The following ATL2 variants were observed in gnomAD, a reference collection of about 807,000 sequenced individuals.
ATL2 encodes atlastin-2.
ATL2 carries 31 observed loss-of-function variants against 73.9 expected under a neutral mutation model. The ratio of observed to expected loss-of-function variants is 0.42; its 90% confidence interval spans 0.32 to 0.57. The LOEUF (loss-of-function observed/expected upper bound fraction) is 0.57. Among genes scored for constraint, ATL2 ranks in the 20% least tolerant of loss-of-function variants. The pLI is 0.14. For missense variants in ATL2, 738 were observed against 702.6 expected (o/e 1.05, Z -0.57); for synonymous variants, 291 against 237.5 (o/e 1.23, Z -2.07).
At chr2:38,329,799 A>G (rs569241319) in intron 2 of ATL2, among the ~76,000 whole-genome samples, 1 of 152,304 alleles carries the variant, frequency 6.6e-6, no homozygotes, top group Non-Finnish European at 1.5e-5. Flanking sequence ...AACAACTTAA[A>G]GTCAATAAAT....
chr2:38,307,120 G>A (rs1573440949), intron 9 of ATL2, among the ~76,000 whole-genome samples: 1 of 152,248 alleles, frequency 6.6e-6, no homozygotes. Context: ...CACTTTGGGA[G>A]GCAGATGCAG....
At chr2:38,315,365 T>G in intron 4 of ATL2, 31 bp from the exon 5 acceptor site, 5 of 1,493,092 alleles carry the variant, frequency 3.3e-6, no homozygotes, top group Non-Finnish European at 4.4e-6. Flanking sequence ...TTGTTTTTTA[T>G]TAGTGTTTTG....
At chr2:38,352,969 C>T (rs775938766) in intron 1 of ATL2, among the ~76,000 whole-genome samples, 1 of 152,198 alleles carries the variant, frequency 6.6e-6, no homozygotes, top group Non-Finnish European at 1.5e-5. Context: ...CAGTAATTAA[C>T]CTGCTTGCCA....
chr2:38,322,887 A>G (rs1352349616), intron 2 of ATL2, among the ~76,000 whole-genome samples: 1 of 152,202 alleles, frequency 6.6e-6, no homozygotes. Context: ...CCTCTATTTA[A>G]CAACAACAAC....
chr2:38,323,120 A>G (rs1382056906), intron 2 of ATL2, among the ~76,000 whole-genome samples: 1 of 152,156 alleles, frequency 6.6e-6, no homozygotes, highest in African/African-American at 2.4e-5. Context: ...TGGGAGCTAA[A>G]GGCAGCCTTG....
chr2:38,371,523 A>G (rs1197671947), intron 1 of ATL2, among the ~76,000 whole-genome samples: 1 of 151,808 alleles, frequency 6.6e-6, no homozygotes, highest in Non-Finnish European at 1.5e-5. Context: ...AACAAAACAA[A>G]ATTTTTAAAA....
At chr2:38,300,880 G>GAAAA (rs60232727) in intron 9 of ATL2, among the ~76,000 whole-genome samples, 4 of 103,470 alleles carry the variant, frequency 3.9e-5, no homozygotes, top group African/African-American at 1.3e-4. Context: ...GCTCAAGAAG[G>GAAAA]AAAAAAAAAA....
chr2:38,298,051 A>G (rs989456343), intron 12 of ATL2, 93 bp downstream of exon 12: 4 of 1,219,032 alleles, frequency 3.3e-6, no homozygotes, highest in Non-Finnish European at 3.4e-6. Context: ...CATTCCTCAC[A>G]TGAAGGCAAA....
intron 4 of ATL2, among the ~76,000 whole-genome samples, 163 bp from the exon 5 acceptor site, chr2:38,315,497 T>C (rs1453357523): frequency 1.3e-5 from 2 of 152,174 alleles, no homozygotes; most frequent in Non-Finnish European, 2.9e-5. Flanking sequence ...TTTTCTCTTT[T>C]TTCCTAACAA....
chr2:38,362,572 C>G (rs1408049681), intron 1 of ATL2, among the ~76,000 whole-genome samples: 1 of 152,168 alleles, frequency 6.6e-6, no homozygotes, highest in African/African-American at 2.4e-5. Context: ...AACAAGCACC[C>G]CACTAACCAG....
chr2:38,354,324 C>T (rs901518733), intron 1 of ATL2: 15 of 245,268 alleles, frequency 6.1e-5, no homozygotes, highest in African/African-American at 2.4e-4. Context: ...AAATAGTAAA[C>T]AGATACAAAT....
In ATL2 at chr2:38,294,471, C is replaced by T. The variant is rs1666781480; in HGVS notation, c.*1523G>A. Among the ~76,000 whole-genome samples the T allele has an allele frequency of 6.6e-6, 1 of 152,116 alleles. No individual in the cohort carries two copies. The highest frequency in any genetic ancestry group is 1.5e-5 in the Non-Finnish European group (1 of 68,022). ...GCTGAGGCGGGAGAATCACTTGAAC[C>T]CAGGAGGTGGAGGTTGCAGTGAGCC... On this transcript the variant is annotated 3_prime_UTR_variant, in exon 13 of 13. Coordinates refer to ENST00000378954, the MANE Select transcript of ATL2 (RefSeq NM_001135673.4).
chr2:38,370,150 CAAA>C (rs962952444), intron 1 of ATL2, among the ~76,000 whole-genome samples: 3 of 43,918 alleles, frequency 6.8e-5, no homozygotes, highest in African/African-American at 1.1e-4. Flanking sequence ...GAGACTCCGT[CAAA>C]AAAAAAAAAA....
At chr2:38,365,134 T>TAC (rs541325892) in intron 1 of ATL2, among the ~76,000 whole-genome samples, 16,054 of 132,596 alleles carry the variant, frequency 0.12, 1,127 homozygotes, top group African/African-American at 0.22. Context: ...AAGGGAATCA[T>TAC]ACACACACAC....
chr2:38,369,391 C>T (rs950162472), intron 1 of ATL2, among the ~76,000 whole-genome samples: 1 of 151,960 alleles, frequency 6.6e-6, no homozygotes, highest in African/African-American at 2.4e-5. Context: ...TAGAGTGAGC[C>T]GAGACTGCTC....
intron 1 of ATL2, among the ~76,000 whole-genome samples, chr2:38,363,320 C>T (rs1671116292): frequency 1.4e-5 from 2 of 147,080 alleles, no homozygotes; most frequent in African/African-American, 5.0e-5. Flanking sequence ...CTCAGTACTT[C>T]TAGAAACCTG....
chr2:38,377,071 G>A (rs963643185), intron 1 of ATL2, 72 bp downstream of exon 1: 5 of 1,450,738 alleles, frequency 3.4e-6, no homozygotes, highest in Admixed American at 4.0e-5. Context: ...CCTGCGGCCG[G>A]TGCCCGCGAG....
At chr2:38,329,011 T>A (rs1210033255) in intron 2 of ATL2, among the ~76,000 whole-genome samples, 1 of 141,056 alleles carries the variant, frequency 7.1e-6, no homozygotes. Context: ...ATTAAAAAAA[T>A]AAAAGAATAC....
At chr2:38,359,810 G>A (rs545539232) in intron 1 of ATL2, among the ~76,000 whole-genome samples, 1 of 152,158 alleles carries the variant, frequency 6.6e-6, no homozygotes, top group African/African-American at 2.4e-5. Flanking sequence ...GCATACACCT[G>A]AATATGTAAG....
Sources: gnomAD v4.1 joint callset for allele counts (sites outside exome capture counted in the v4.1 genomes callset) on GRCh38, gnomAD v4.1.1 for gene constraint, MANE v1.5 for transcripts, NCBI Gene and HGNC (gene_info 2026-07-23, HGNC 2026-07-21) for gene names.